Variants in DNER observed in about 807,000 individuals in gnomAD.
DNER encodes the protein delta/notch like EGF repeat containing.
A neutral mutation model predicts 78.2 loss-of-function variants in DNER; 33 were observed. That is an observed-to-expected ratio of 0.42 (90% CI 0.32 to 0.56). DNER has a LOEUF of 0.56. DNER is among the 20% of genes least tolerant of loss of function. DNER has a pLI of 0.11. For synonymous variants in DNER, 417 were observed against 384.8 expected, an observed-to-expected ratio of 1.08 and a Z score of -0.98; for missense variants, 918 against 975.3, an observed-to-expected ratio of 0.94 and a Z score of 0.78.
At chr2:229,615,899 A>G (rs1698153020) in intron 1 of DNER, among the ~76,000 whole-genome samples, 1 of 152,200 alleles carries the variant, frequency 6.6e-6, no homozygotes, top group Non-Finnish European at 1.5e-5. Flanking sequence ...CTAATTCCCC[A>G]GGTAGACATG....
At chr2:229,611,800 T>C (rs1698053522) in intron 1 of DNER, among the ~76,000 whole-genome samples, 1 of 152,162 alleles carries the variant, frequency 6.6e-6, no homozygotes, top group Non-Finnish European at 1.5e-5. Flanking sequence ...GCCCTTCCTC[T>C]AAGACGTACT....
At chr2:229,577,127 T>C (rs1365658634) in intron 4 of DNER, among the ~76,000 whole-genome samples, 1 of 152,176 alleles carries the variant, frequency 6.6e-6, no homozygotes, top group African/African-American at 2.4e-5. Flanking sequence ...GCTTAGTGTC[T>C]ATGCATTTAG....
intron 5 of DNER, among the ~76,000 whole-genome samples, chr2:229,520,716 C>G (rs982878077): frequency 6.6e-6 from 1 of 152,306 alleles, no homozygotes; most frequent in East Asian, 1.9e-4. Context: ...TCTGGCTCTT[C>G]CCCATGGAAT....
At chr2:229,424,791 C>G (rs1341209933) in intron 8 of DNER, among the ~76,000 whole-genome samples, 1 of 152,160 alleles carries the variant, frequency 6.6e-6, no homozygotes, top group Non-Finnish European at 1.5e-5. Context: ...TTCTCAGTCA[C>G]AAGACTGTTG....
rs2106326814 is a variant in DNER, at chr2:229,367,909, G to A, written c.1856-790C>T. 1.3e-5 allele frequency among the ~76,000 whole-genome samples: 2 copies of A among 152,296 alleles called. 1 individual carries two copies. The highest frequency in any genetic ancestry group is 4.1e-4 in the South Asian group (2 of 4,826). On this transcript the variant is annotated intron_variant, in intron 11 of 12. Transcript: ENST00000341772. ...TGCATAAAGCCTTATGTGTGAAGATGCTTATCTTCATATCACAATTTTTCA... is the reference window on the plus strand; with the variant it reads ...TGCATAAAGCCTTATGTGTGAAGATACTTATCTTCATATCACAATTTTTCA...
intron 11 of DNER, among the ~76,000 whole-genome samples, chr2:229,378,681 G>A (rs1233277454): frequency 6.6e-6 from 1 of 152,086 alleles, no homozygotes; most frequent in Non-Finnish European, 1.5e-5. Flanking sequence ...AGATATCCAG[G>A]CATCCTCCTC....
At chr2:229,433,673 G>C (rs1271051148) in intron 8 of DNER, among the ~76,000 whole-genome samples, 2 of 152,068 alleles carry the variant, frequency 1.3e-5, no homozygotes, top group African/African-American at 2.4e-5. Flanking sequence ...TAATATTTTT[G>C]CAGAAAGGAA....
intron 6 of DNER, among the ~76,000 whole-genome samples, chr2:229,485,448 T>C (rs1695250005): frequency 2.0e-5 from 3 of 152,224 alleles, no homozygotes; most frequent in Non-Finnish European, 4.4e-5. Flanking sequence ...GATTTTATAC[T>C]ATTTTGTATT....
At chr2:229,392,933 G>A (rs1458575252) in intron 10 of DNER, among the ~76,000 whole-genome samples, 1 of 151,972 alleles carries the variant, frequency 6.6e-6, no homozygotes, top group Admixed American at 6.5e-5. Context: ...AACAAAGTAG[G>A]CTCACGTGAC....
intron 8 of DNER, among the ~76,000 whole-genome samples, chr2:229,421,342 C>G (rs546179032): frequency 2.0e-5 from 3 of 152,138 alleles, no homozygotes; most frequent in African/African-American, 7.2e-5. Context: ...TTCCAGATAT[C>G]TGCTGGAAAA....
At chr2:229,521,267 G>A (rs1157610308) in intron 5 of DNER, among the ~76,000 whole-genome samples, 1 of 152,170 alleles carries the variant, frequency 6.6e-6, no homozygotes, top group Non-Finnish European at 1.5e-5. Context: ...AGCTTATGTT[G>A]CCCTAAGCAG....
At chr2:229,550,816 A>G (rs977193845) in intron 4 of DNER, among the ~76,000 whole-genome samples, 4 of 152,150 alleles carry the variant, frequency 2.6e-5, no homozygotes, top group Non-Finnish European at 5.9e-5. Context: ...TATTGCATTA[A>G]AAAGTAATAA....
intron 4 of DNER, among the ~76,000 whole-genome samples, chr2:229,574,585 A>G (rs1697264184): frequency 1.3e-5 from 2 of 152,242 alleles, no homozygotes; most frequent in Admixed American, 1.3e-4. Context: ...CACAAAATGT[A>G]AACACTGGTT....
At chr2:229,441,935 A>G (rs1468583760) in intron 8 of DNER, among the ~76,000 whole-genome samples, 1 of 152,164 alleles carries the variant, frequency 6.6e-6, no homozygotes, top group East Asian at 1.9e-4. Flanking sequence ...CTCAGTTCTC[A>G]GCATCATCAT....
chr2:229,648,917 C>A (rs1331983989), intron 1 of DNER, among the ~76,000 whole-genome samples: 1 of 152,198 alleles, frequency 6.6e-6, no homozygotes, highest in African/African-American at 2.4e-5. Flanking sequence ...CAAACTCTTC[C>A]TCTATTGAAA....
intron 11 of DNER, among the ~76,000 whole-genome samples, chr2:229,372,123 C>T (rs1210094945): frequency 6.6e-6 from 1 of 152,182 alleles, no homozygotes; most frequent in East Asian, 1.9e-4. Context: ...AATTAAGGAC[C>T]TACTATGTGC....
chr2:229,412,948 G>A (rs1183803925), intron 9 of DNER, among the ~76,000 whole-genome samples: 2 of 152,142 alleles, frequency 1.3e-5, no homozygotes, highest in Non-Finnish European at 2.9e-5. Flanking sequence ...CAAGAGCCAT[G>A]GTTGAAAAAG....
At chr2:229,488,181 C>T (rs191830092) in intron 6 of DNER, among the ~76,000 whole-genome samples, 3 of 152,284 alleles carry the variant, frequency 2.0e-5, no homozygotes, top group East Asian at 3.9e-4. Flanking sequence ...AATGCCCTTG[C>T]AGAAGAAATC....
At chr2:229,449,680 C>T (rs1314205693) in intron 7 of DNER, among the ~76,000 whole-genome samples, 1 of 152,198 alleles carries the variant, frequency 6.6e-6, no homozygotes, top group Non-Finnish European at 1.5e-5. Flanking sequence ...ATGATAAATT[C>T]CATACCCAAG....
Sources: allele counts gnomAD v4.1 joint callset (sites outside exome capture counted in the v4.1 genomes callset), GRCh38; gene constraint gnomAD v4.1.1; transcripts MANE v1.5; gene names NCBI Gene and HGNC (gene_info 2026-07-23, HGNC 2026-07-21).